DNAH11: variants seen among roughly 807,000 people sequenced by gnomAD.
The protein encoded by DNAH11 is axonemal beta dynein heavy chain 11.
DNAH11 carries 442 observed loss-of-function variants against 526.0 expected under a neutral mutation model. The observed-to-expected ratio is 0.84, with a 90% CI of 0.78 to 0.91. The LOEUF is 0.91. DNAH11 is among the 40% of genes least tolerant of loss of function. The pLI, the probability that DNAH11 is intolerant of heterozygous loss-of-function variation, is 0.00. For synonymous variants in DNAH11, 2,461 were observed against 1,935.9 expected, an observed-to-expected ratio of 1.27 and a Z score of -7.12; for missense variants, 6,989 against 5,448.7, an observed-to-expected ratio of 1.28 and a Z score of -8.90.
intron 2 of DNAH11, among the ~76,000 whole-genome samples, chr7:21,558,290 T>G (rs1783302539): frequency 6.6e-6 from 1 of 152,194 alleles, no homozygotes; most frequent in Non-Finnish European, 1.5e-5. Context: ...AGTTTTCACA[T>G]AGTTTCATTG....
intron 25 of DNAH11, among the ~76,000 whole-genome samples, chr7:21,624,894 C>A (rs1027081068): frequency 6.6e-6 from 1 of 152,004 alleles, no homozygotes. Context: ...CCCACTTGAT[C>A]ATGGTGAATG....
chr7:21,704,812 C>G (rs1234019332), intron 38 of DNAH11, among the ~76,000 whole-genome samples, 184 bp downstream of exon 38: 1 of 152,210 alleles, frequency 6.6e-6, no homozygotes, highest in South Asian at 2.1e-4. Flanking sequence ...AGTAGCCCCT[C>G]TCCGTAAGGT....
chr7:21,720,944 T>C lies in DNAH11; in HGVS notation c.7266+88T>C, dbSNP rs2128483938. 4 of 1,484,172 alleles carry C rather than the reference T, an allele frequency of 2.7e-6. No individual in the cohort carries two copies. In the East Asian group the frequency reaches 7.3e-5, roughly 27 times the overall value. 91.9% of individuals were successfully genotyped at this position (1,484,172 alleles called of 1,614,324 possible). The stretch of plus-strand genomic sequence containing the variant: ...GGTTAAAACATGTGATCTGTACCTT[T>C]TTGTTATGTTATAGATCTATACTGC... On this transcript the variant is annotated intron_variant, in intron 44 of 81. Coordinates refer to ENST00000409508, the MANE Select transcript of DNAH11 (RefSeq NM_001277115.2).
intron 65 of DNAH11, among the ~76,000 whole-genome samples, 199 bp from the exon 66 acceptor site, chr7:21,842,345 G>T (rs1283027831): frequency 6.6e-6 from 1 of 152,146 alleles, no homozygotes; most frequent in Non-Finnish European, 1.5e-5. Flanking sequence ...TCACATATGA[G>T]GAAACTAAAT....
chr7:21,723,580 G>C (rs923502199), intron 44 of DNAH11, among the ~76,000 whole-genome samples: 36 of 152,166 alleles, frequency 2.4e-4, no homozygotes, highest in African/African-American at 8.7e-4. Flanking sequence ...TGAAATGCAC[G>C]TGAAATCCTA....
chr7:21,711,529 GT>G (rs1303794650), intron 41 of DNAH11, among the ~76,000 whole-genome samples, 182 bp from the exon 42 acceptor site: 1 of 152,228 alleles, frequency 6.6e-6, no homozygotes, highest in Non-Finnish European at 1.5e-5. Context: ...ATTTAGGTGA[GT>G]TTGTTCAAGG....
intron 40 of DNAH11, among the ~76,000 whole-genome samples, chr7:21,709,496 G>GCA (rs1242320335): frequency 6.6e-6 from 1 of 152,046 alleles, no homozygotes; most frequent in Non-Finnish European, 1.5e-5. Flanking sequence ...CTGGACGATG[G>GCA]CACCATTTGT....
In DNAH11 at chr7:21,805,269, T is replaced by A. The variant is rs76933826; in HGVS notation, c.10166-2614T>A. Among the ~76,000 whole-genome samples, 953 of 152,344 alleles carry A rather than the reference T, an allele frequency of 6.3e-3. 7 individuals carry two copies. Among genetic ancestry groups the A allele is most frequent in the African/African-American group, 0.022 (898 of 41,572 alleles). ...TTGCATGAACGTAGTTGTCCGTGTA[T>A]GCATACGCACAAATACTTTTTTTGG... On this transcript the variant is annotated intron_variant, in intron 62 of 81. Coordinates refer to ENST00000409508, the MANE Select transcript of DNAH11 (RefSeq NM_001277115.2).
intron 43 of DNAH11, among the ~76,000 whole-genome samples, chr7:21,719,137 ACTT>A (rs1025109712): frequency 5.9e-5 from 9 of 152,144 alleles, no homozygotes; most frequent in Admixed American, 5.2e-4. Flanking sequence ...TTTCTGCTCT[ACTT>A]CTTTCTTTTG....
chr7:21,864,775 T>C lies in DNAH11; in HGVS notation c.11496+118T>C, dbSNP rs1783209261. ...GATGTATTAAGCACCATTTCAGTTG[T>C]AGAAATGCACTGTATAATGTGATGT... On this transcript the variant is annotated intron_variant, in intron 70 of 81. Coordinates refer to ENST00000409508, the MANE Select transcript of DNAH11 (RefSeq NM_001277115.2). The C allele has an allele frequency of 8.1e-6, 8 of 987,044 alleles. No homozygotes were observed. The South Asian group carries it at 2.1e-4, about 26-fold the overall frequency. The allele number at this position is 987,044 out of a possible 1,614,324, so 61.1% of individuals were successfully genotyped here. A position where few individuals can be genotyped will look rare whatever the true frequency, so the allele number is the denominator to read the frequency against.
intron 74 of DNAH11, among the ~76,000 whole-genome samples, chr7:21,874,032 C>A (rs1371546857): frequency 6.6e-6 from 1 of 151,910 alleles, no homozygotes; most frequent in Non-Finnish European, 1.5e-5. Flanking sequence ...CTCAGGTGAT[C>A]CACCTGCCTC....
Position 21,816,571 on chromosome 7 carries a change from C to T in DNAH11, c.10437C>T (p.Ser3479=), listed in dbSNP as rs1230187187. Residue 3479 remains serine (S), a synonymous_variant, in exon 64 of 82, where the codon TCC becomes TCT. Coordinates refer to ENST00000409508, the MANE Select transcript of DNAH11 (RefSeq NM_001277115.2). ...NNEGLPSDRM[S]TENAAILTHC... ...AAGGACTGCCCAGTGACAGAATGTC[C>T]ACCGAAAATGCCGCTATCCTAACAC... is the stretch of plus-strand genomic sequence containing the variant. 6.2e-7 allele frequency: 1 copy of T among 1,613,364 alleles called. No homozygotes were observed. The highest frequency in any genetic ancestry group is 1.1e-5 in the South Asian group (1 of 90,878).
At chr7:21,883,524 T>C (rs1206318539) in intron 75 of DNAH11, among the ~76,000 whole-genome samples, 2 of 152,342 alleles carry the variant, frequency 1.3e-5, no homozygotes, top group African/African-American at 4.8e-5. Context: ...GCCTGGACTT[T>C]TGGAAAATAC....
chr7:21,851,852 G>A (rs1168088664), intron 66 of DNAH11, among the ~76,000 whole-genome samples: 1 of 152,086 alleles, frequency 6.6e-6, no homozygotes, highest in Non-Finnish European at 1.5e-5. Flanking sequence ...ACGGAAATGA[G>A]ACTTCTAAGC....
intron 61 of DNAH11, 92 bp from the exon 62 acceptor site, chr7:21,801,045 C>A: frequency 7.3e-7 from 1 of 1,372,968 alleles, no homozygotes; most frequent in Non-Finnish European, 1.0e-6. Context: ...GAGGTTTGTC[C>A]ATTTACCTTA....
At chr7:21,550,526 T>C (rs1479972860) in intron 2 of DNAH11, among the ~76,000 whole-genome samples, 2 of 152,050 alleles carry the variant, frequency 1.3e-5, no homozygotes, top group African/African-American at 4.8e-5. Flanking sequence ...GTTCTAATCC[T>C]AAGGAGTGCT....
chr7:21,711,570 A>C (rs1784464691), intron 41 of DNAH11, 142 bp from the exon 42 acceptor site: 2 of 1,183,650 alleles, frequency 1.7e-6, no homozygotes, highest in African/African-American at 3.1e-5. Context: ...GGGTGAGCTT[A>C]GATCTTTATT....
At chr7:21,566,018 A>G (rs1037836529) in intron 6 of DNAH11, among the ~76,000 whole-genome samples, 1 of 152,186 alleles carries the variant, frequency 6.6e-6, no homozygotes, top group Non-Finnish European at 1.5e-5. Context: ...AAAACACCAC[A>G]ATCCCTGTTG....
intron 36 of DNAH11, among the ~76,000 whole-genome samples, chr7:21,701,189 G>T (rs1784042630): frequency 6.6e-6 from 1 of 151,730 alleles, no homozygotes; most frequent in African/African-American, 2.4e-5. Context: ...GCTTTCAAAT[G>T]ATCTTTTCCA....
Sources: allele counts gnomAD v4.1 joint callset (sites outside exome capture counted in the v4.1 genomes callset), GRCh38; gene constraint gnomAD v4.1.1; transcripts MANE v1.5; gene names NCBI Gene and HGNC (gene_info 2026-07-23, HGNC 2026-07-21).